PPARA: variants seen among roughly 807,000 people sequenced by gnomAD.
PPARA encodes peroxisome proliferator-activated receptor alpha.
Under a neutral mutation model 42.2 loss-of-function variants are expected in PPARA, and 22 were observed. The observed-to-expected ratio is 0.52, with a 90% CI of 0.37 to 0.74. PPARA has a LOEUF of 0.74. Among genes scored for constraint, PPARA ranks in the 30% least tolerant of loss-of-function variants. PPARA has a pLI of 0.00. For synonymous variants in PPARA, 242 were observed against 239.3 expected (o/e 1.01, Z -0.10); for missense variants, 465 against 608.2 (o/e 0.76, Z 2.48).
rs1208231744 is a variant in PPARA at position 46,225,640 on chromosome 22, C to T, written c.711+5626C>T. ...GCATGTGTACACAAACACACCCACA[C>T]ATACACATGCACCCACACGTGTACA... is the stretch of plus-strand genomic sequence containing the variant. On this transcript the variant is annotated intron_variant, in intron 7 of 8. Coordinates refer to ENST00000407236, the MANE Select transcript of PPARA (RefSeq NM_005036.6). The surrounding 1 kb of genome is among the most constrained non-coding windows in gnomAD (Gnocchi z 4.1). Among the ~76,000 whole-genome samples the T allele has an allele frequency of 6.6e-6, 1 of 151,352 alleles. No homozygotes were observed. Among genetic ancestry groups the T allele is most frequent in the Admixed American group, 6.6e-5 (1 of 15,204 alleles).
rs1161037504 is a variant in PPARA at position 46,194,893 on chromosome 22, C to CT, written c.-42-3431dup. On this transcript the variant is annotated intron_variant, in intron 3 of 8. Transcript: ENST00000407236. ...CTGGCCCCAGCTACCTGTTTTCTTT[C>CT]TTTTTTTTTTTTTTTTTTCTTTTTT... is the stretch of plus-strand genomic sequence containing the variant. Among the ~76,000 whole-genome samples, 409 of 115,998 alleles carry CT rather than the reference C, an allele frequency of 3.5e-3. 2 individuals are homozygous for CT. The highest frequency in any genetic ancestry group is 0.012 in the Middle Eastern group (2 of 172). 76.1% of individuals were successfully genotyped at this position (115,998 alleles called of 152,430 possible).
At position 46,172,572 on chromosome 22, in the gene PPARA, C is replaced by T. The variant is rs1472427049; in HGVS notation, c.-126-4181C>T. On this transcript the variant is annotated intron_variant, in intron 2 of 8. Coordinates refer to ENST00000407236, the MANE Select transcript of PPARA (RefSeq NM_005036.6). Reference sequence around the variant, plus strand: ...GGTGGATGTTGCTGTGAGCTGAGATCGTGCCACTGCATTGCAGCCTCGGTG... The same window carrying T: ...GGTGGATGTTGCTGTGAGCTGAGATTGTGCCACTGCATTGCAGCCTCGGTG... 2.6e-5 allele frequency among the ~76,000 whole-genome samples: 4 copies of T among 152,064 alleles called. 1 individual carries two copies. Among genetic ancestry groups the T allele is most frequent in the African/African-American group, 4.8e-5 (2 of 41,408 alleles).
rs1468577097 is a variant in PPARA, at chr22:46,234,298, T to C, written c.1160-835T>C. Among the ~76,000 whole-genome samples, 1 of 152,184 alleles carries C rather than the reference T, an allele frequency of 6.6e-6. No homozygotes were observed. The highest frequency in any genetic ancestry group is 1.5e-5 in the Non-Finnish European group (1 of 68,036). On this transcript the variant is annotated intron_variant, in intron 8 of 8. Transcript: ENST00000407236. This position sits in a 1 kb window ranked among gnomAD's most constrained non-coding sequence, Gnocchi z 5.8. ...GAAATAAAAACTTAATAATTACATT[T>C]ACAACCAAAAACAATGAAGATGTTT... is the stretch of plus-strand genomic sequence containing the variant.
intron 3 of PPARA, among the ~76,000 whole-genome samples, chr22:46,179,974 A>T (rs184455743): frequency 6.6e-6 from 1 of 152,356 alleles, no homozygotes; most frequent in East Asian, 1.9e-4. Flanking sequence ...CAATGTTATC[A>T]GTCATCAGAG....
rs1236179082 is a variant in PPARA at position 46,240,296 on chromosome 22, C to T, written c.*4916C>T. 1 of 398,540 alleles carries T rather than the reference C, an allele frequency of 2.5e-6. No homozygotes were observed. Among genetic ancestry groups the T allele is most frequent in the African/African-American group, 2.1e-5 (1 of 48,622 alleles). 24.7% of individuals were successfully genotyped at this position (398,540 alleles called of 1,614,324 possible). On this transcript the variant is annotated 3_prime_UTR_variant, in exon 9 of 9. Transcript: ENST00000407236. This position sits in a 1 kb window ranked among gnomAD's most constrained non-coding sequence, Gnocchi z 6.0. ...ATTTTAAAATGAAAACACCAGCCTC[C>T]AGATGTAGGGCCTGCTGGGTGTTGC...
At chr22:46,177,687 G>C (rs1929358693) in intron 3 of PPARA, among the ~76,000 whole-genome samples, 1 of 152,026 alleles carries the variant, frequency 6.6e-6, no homozygotes, top group Admixed American at 6.6e-5. Context: ...AGAACCTCAG[G>C]CATGTACCCG....
At position 46,219,904 on chromosome 22, in the gene PPARA, G is replaced by A. The variant is rs1188000241; in HGVS notation, c.601G>A (p.Ala201Thr). ...CEHDIEDSETADLKSLAKRIY... is the reference protein window; with the variant it reads ...CEHDIEDSETTDLKSLAKRIY... The stretch of plus-strand genomic sequence containing the variant: ...ACATGACATAGAAGATTCTGAAACT[G>A]CAGATCTCAAATCTCTGGCCAAGAG... The change falls in exon 7 of 9, where the codon GCA becomes ACA. Residue 201 changes from alanine to threonine, a missense_variant. Ala to Thr is a moderately conservative substitution (Grantham distance 58). This residue lies in a region of PPARA where 313 missense variants were observed against 469.1 expected (regional missense o/e 0.67). Coordinates refer to ENST00000407236, the MANE Select transcript of PPARA (RefSeq NM_005036.6). This position sits in a 1 kb window ranked among gnomAD's most constrained non-coding sequence, Gnocchi z 4.8. 1.2e-6 allele frequency: 2 copies of A among 1,614,158 alleles called. No individual in the cohort carries two copies. Among genetic ancestry groups the A allele is most frequent in the African/African-American group, 1.3e-5 (1 of 75,054 alleles).
rs981951814 is a variant in PPARA, at chr22:46,204,817, T to G, written c.208+6226T>G. On this transcript the variant is annotated intron_variant, in intron 4 of 8. Coordinates refer to ENST00000407236, the MANE Select transcript of PPARA (RefSeq NM_005036.6). The surrounding 1 kb of genome is among the most constrained non-coding windows in gnomAD (Gnocchi z 5.2). Reference sequence around the variant, plus strand: ...CCCAGTGTGTGGTTTGTCTTTCTTTTCTTTCTACTGATAGTATCTTAAAAA... The same window carrying G: ...CCCAGTGTGTGGTTTGTCTTTCTTTGCTTTCTACTGATAGTATCTTAAAAA... Among the ~76,000 whole-genome samples, 22 of 152,074 alleles carry G rather than the reference T, an allele frequency of 1.4e-4. No homozygotes were observed. Among genetic ancestry groups the G allele is most frequent in the Non-Finnish European group, 2.4e-4 (16 of 68,010 alleles).
Position 46,175,489 on chromosome 22 carries a change from G to A in PPARA, c.-126-1264G>A, listed in dbSNP as rs373208281. ...AGCACTTTGGGAGGCCGAGGCAGGC[G>A]GATCACGAGGTCAGGAGATCGAGAC... is the stretch of plus-strand genomic sequence containing the variant. On this transcript the variant is annotated intron_variant, in intron 2 of 8. Coordinates refer to ENST00000407236, the MANE Select transcript of PPARA (RefSeq NM_005036.6). Among the ~76,000 whole-genome samples the A allele has an allele frequency of 2.2e-3, 328 of 152,124 alleles. 1 individual carries two copies. Among genetic ancestry groups the A allele is most frequent in the Admixed American group, 4.0e-3 (61 of 15,264 alleles).
At position 46,182,056 on chromosome 22, in the gene PPARA, G is replaced by A. The variant is rs555968696; in HGVS notation, c.-43+5220G>A. ...AGACGGGGTTTTGCCACATTGGCCAGGCTGGTCTTGAACTCCTGACCTCAG... is the reference window on the plus strand; with the variant it reads ...AGACGGGGTTTTGCCACATTGGCCAAGCTGGTCTTGAACTCCTGACCTCAG... On this transcript the variant is annotated intron_variant, in intron 3 of 8. Transcript: ENST00000407236. The surrounding 1 kb of genome is among the most constrained non-coding windows in gnomAD (Gnocchi z 5.2). Among the ~76,000 whole-genome samples, 6 of 152,298 alleles carry A rather than the reference G, an allele frequency of 3.9e-5. No homozygotes were observed. Among genetic ancestry groups the A allele is most frequent in the Admixed American group, 2.0e-4 (3 of 15,288 alleles).
At position 46,193,208 on chromosome 22, in the gene PPARA, G is replaced by A. The variant is rs143539986; in HGVS notation, c.-42-5134G>A. ...CAGCCTCCCAAATAGCTGGGATTATGGGCACGCGCCACCACACCTGGCTAA... is the reference window on the plus strand; with the variant it reads ...CAGCCTCCCAAATAGCTGGGATTATAGGCACGCGCCACCACACCTGGCTAA... On this transcript the variant is annotated intron_variant, in intron 3 of 8. Transcript: ENST00000407236. The surrounding 1 kb of genome is among the most constrained non-coding windows in gnomAD (Gnocchi z 5.3). Among the ~76,000 whole-genome samples, 1,574 of 152,114 alleles carry A rather than the reference G, an allele frequency of 0.01. 22 individuals carry two copies. Among genetic ancestry groups the A allele is most frequent in the African/African-American group, 0.036 (1,487 of 41,494 alleles).
chr22:46,220,149 A>T, intron 7 of PPARA, 135 bp downstream of exon 7: 1 of 1,048,142 alleles, frequency 9.5e-7, no homozygotes, highest in East Asian at 2.6e-5. Flanking sequence ...GCGAAGATGG[A>T]AACAGTTCAT....
rs553765111 is a variant in PPARA at position 46,221,574 on chromosome 22, C to T, written c.711+1560C>T. ...CAGCACTTTGGGAGGCCAAGACAGG[C>T]GGATCACGAGGTCAGGAGATCAAGA... On this transcript the variant is annotated intron_variant, in intron 7 of 8. Transcript: ENST00000407236. This position sits in a 1 kb window ranked among gnomAD's most constrained non-coding sequence, Gnocchi z 5.9. Among the ~76,000 whole-genome samples the T allele has an allele frequency of 5.3e-5, 8 of 151,796 alleles. No homozygotes were observed. The South Asian group carries it at 1.5e-3, about 28-fold the overall frequency.
chr22:46,215,124 A>T, intron 4 of PPARA, 49 bp from the exon 5 acceptor site: 1 of 1,598,920 alleles, frequency 6.3e-7, no homozygotes, highest in Non-Finnish European at 8.6e-7. Context: ...GTTCAGACAC[A>T]GGATAGTGAT....
At position 46,167,319 on chromosome 22, in the gene PPARA, A is replaced by G. The variant is rs1380900770; in HGVS notation, c.-126-9434A>G. ...ATATATTATATGATACTGTTATGTC[A>G]TATAATTATTATTGAAATGGGTCAT... On this transcript the variant is annotated intron_variant, in intron 2 of 8. Transcript: ENST00000407236. This position sits in a 1 kb window ranked among gnomAD's most constrained non-coding sequence, Gnocchi z 4.1. Among the ~76,000 whole-genome samples the G allele has an allele frequency of 6.6e-6, 1 of 151,630 alleles. No homozygotes were observed. Among genetic ancestry groups the G allele is most frequent in the African/African-American group, 2.4e-5 (1 of 41,298 alleles).
At chr22:46,207,232 A>T (rs1012998440) in intron 4 of PPARA, among the ~76,000 whole-genome samples, 2 of 151,624 alleles carry the variant, frequency 1.3e-5, no homozygotes, top group Non-Finnish European at 2.9e-5. Flanking sequence ...CCCTGCAAAA[A>T]AAAAGAAAAA....
chr22:46,235,113 CTCTCT>C lies in PPARA; in HGVS notation c.1160-16_1160-12del, dbSNP rs772563168. 1 of 1,613,820 alleles carries C rather than the reference CTCTCT, an allele frequency of 6.2e-7. No homozygotes were observed. The highest frequency in any genetic ancestry group is 1.3e-5 in the African/African-American group (1 of 74,922). On this transcript the variant is annotated splice_polypyrimidine_tract_variant and intron_variant, in intron 8 of 8. Coordinates refer to ENST00000407236, the MANE Select transcript of PPARA (RefSeq NM_005036.6). This position sits in a 1 kb window ranked among gnomAD's most constrained non-coding sequence, Gnocchi z 7.0. Reference sequence around the variant, plus strand: ...GGGTGATTATCACACTCAAACCTCTCTCTCTTCTTTCGAGACTAGATCGTCCTGGC... The same window carrying C: ...GGGTGATTATCACACTCAAACCTCTCTCTTTCGAGACTAGATCGTCCTGGC...
chr22:46,215,267 A>G lies in PPARA; in HGVS notation c.303A>G (p.Glu101=). 6.2e-7 allele frequency: 1 copy of G among 1,614,114 alleles called. No homozygotes were observed. Among genetic ancestry groups the G allele is most frequent in the Non-Finnish European group, 8.5e-7 (1 of 1,180,028 alleles). ...DESPSGALNI[E]CRICGDKASG... ...CTCCCAGTGGAGCATTGAACATCGAATGTAGAATCTGCGGGGACAAGGCCT... is the reference window on the plus strand; with the variant it reads ...CTCCCAGTGGAGCATTGAACATCGAGTGTAGAATCTGCGGGGACAAGGCCT... Residue 101 remains glutamate, a synonymous_variant, in exon 5 of 9, where the codon GAA becomes GAG. Transcript: ENST00000407236.
chr22:46,226,477 C>A (rs112717467), intron 7 of PPARA, among the ~76,000 whole-genome samples: 32 of 152,262 alleles, frequency 2.1e-4, no homozygotes, highest in African/African-American at 6.7e-4. Flanking sequence ...AGGAATTGGG[C>A]GTGCCGTGTT....
Sources: allele counts gnomAD v4.1 joint callset (sites outside exome capture counted in the v4.1 genomes callset), GRCh38; gene constraint gnomAD v4.1.1; regional missense constraint gnomAD v4.1.1; non-coding constraint Gnocchi (gnomAD v3.1); transcripts MANE v1.5; gene names NCBI Gene and HGNC (gene_info 2026-07-23, HGNC 2026-07-21).